Variants in WASF2 observed in about 807,000 individuals in gnomAD.
WASF2 encodes actin-binding protein WASF2.
In WASF2, 14 loss-of-function variants were observed where a neutral mutation model predicts 45.0. The ratio of observed to expected loss-of-function variants is 0.31; its 90% confidence interval spans 0.21 to 0.49. WASF2 has a LOEUF of 0.49. Among genes scored for constraint, WASF2 ranks in the 20% least tolerant of loss-of-function variants. WASF2 has a pLI of 0.99. For missense variants in WASF2, 439 were observed against 636.1 expected, an observed-to-expected ratio of 0.69 and a Z score of 3.33; for synonymous variants, 200 against 236.3, an observed-to-expected ratio of 0.85 and a Z score of 1.41.
chr1:27,433,490 T>A (rs1013946468), intron 1 of WASF2, among the ~76,000 whole-genome samples: 1 of 152,250 alleles, frequency 6.6e-6, no homozygotes, highest in Non-Finnish European at 1.5e-5. Context: ...GTGCACTGGA[T>A]GTTGGGGAAC....
At chr1:27,442,714 G>T (rs977583805) in intron 1 of WASF2, among the ~76,000 whole-genome samples, 5 of 150,804 alleles carry the variant, frequency 3.3e-5, no homozygotes, top group East Asian at 2.0e-4. Context: ...CAAAAAACTA[G>T]CCAAAGGGCC....
intron 1 of WASF2, among the ~76,000 whole-genome samples, chr1:27,477,617 C>CTAGGATATTAGAAATGGGA (rs541024782): frequency 1.1e-4 from 17 of 148,154 alleles, no homozygotes; most frequent in South Asian, 2.2e-4. Flanking sequence ...ATAAATAAAT[C>CTAGGATATTAGAAATGGGA]GGCCGGGCGC....
At chr1:27,488,337 A>G (rs950995678) in intron 1 of WASF2, among the ~76,000 whole-genome samples, 15 of 152,318 alleles carry the variant, frequency 9.8e-5, no homozygotes, top group Non-Finnish European at 2.1e-4. Flanking sequence ...GTCAAAAAAC[A>G]GGTTGCACAA....
chr1:27,409,592 C>T (rs2016731926), intron 8 of WASF2, 100 bp downstream of exon 8: 9 of 1,347,358 alleles, frequency 6.7e-6, no homozygotes, highest in Non-Finnish European at 8.6e-6. Context: ...AAGCCGTTTC[C>T]TGGGAAGGGC....
rs1030680842 is a variant in WASF2 at position 27,473,200 on chromosome 1, G to T, written c.-44+16786C>A. Reference sequence around the variant, plus strand: ...TAGACATATAAATAGCCAATAAATGGCCAAGAGCGGTGGCTCATGCCTCTA... The same window carrying T: ...TAGACATATAAATAGCCAATAAATGTCCAAGAGCGGTGGCTCATGCCTCTA... On this transcript the variant is annotated intron_variant, in intron 1 of 8. Transcript: ENST00000618852. Among the ~76,000 whole-genome samples the T allele has an allele frequency of 2.0e-5, 3 of 151,626 alleles. No homozygotes were observed. In the South Asian group the frequency reaches 6.2e-4, roughly 32 times the overall value.
chr1:27,428,537 G>C (rs746639256), intron 2 of WASF2, among the ~76,000 whole-genome samples: 5 of 152,158 alleles, frequency 3.3e-5, no homozygotes, highest in Non-Finnish European at 5.9e-5. Context: ...CAGGTGGAGG[G>C]GGAGGGAGGA....
At chr1:27,473,442 C>A in intron 1 of WASF2, among the ~76,000 whole-genome samples, 1 of 130,308 alleles carries the variant, frequency 7.7e-6, no homozygotes, top group African/African-American at 2.9e-5. Context: ...AGCAAGACTC[C>A]AGACTCCATG....
chr1:27,408,495 A>G, intron 8 of WASF2, 149 bp from the exon 9 acceptor site: 1 of 1,154,958 alleles, frequency 8.7e-7, no homozygotes, highest in Middle Eastern at 2.0e-4. Context: ...GCAGAAGAAG[A>G]TGAGTTTATG....
intron 4 of WASF2, among the ~76,000 whole-genome samples, chr1:27,416,977 C>T (rs769684887): frequency 3.3e-5 from 5 of 152,040 alleles, no homozygotes; most frequent in Non-Finnish European, 7.4e-5. Context: ...TATTCCCTAC[C>T]CTCCAATCCT....
At chr1:27,487,667 A>G (rs1458057372) in intron 1 of WASF2, among the ~76,000 whole-genome samples, 9 of 104,786 alleles carry the variant, frequency 8.6e-5, no homozygotes, top group African/African-American at 1.2e-4. Flanking sequence ...AATATATATT[A>G]TATATATTTT....
At chr1:27,456,419 G>A (rs2017468900) in intron 1 of WASF2, among the ~76,000 whole-genome samples, 2 of 151,640 alleles carry the variant, frequency 1.3e-5, no homozygotes, top group South Asian at 4.2e-4. Flanking sequence ...GAGATAAGGA[G>A]TAGGAGCTAA....
At chr1:27,458,002 A>G (rs920996079) in intron 1 of WASF2, among the ~76,000 whole-genome samples, 3 of 152,070 alleles carry the variant, frequency 2.0e-5, no homozygotes, top group Non-Finnish European at 4.4e-5. Flanking sequence ...TCTTTTGCAC[A>G]CACTGTGTTG....
At chr1:27,429,916 G>C (rs1315043379) in intron 1 of WASF2, among the ~76,000 whole-genome samples, 2 of 152,142 alleles carry the variant, frequency 1.3e-5, no homozygotes, top group African/African-American at 4.8e-5. Flanking sequence ...AAACTGTGCT[G>C]TAAGATTCCC....
At chr1:27,447,827 TGATAAC>T (rs2017330504) in intron 1 of WASF2, among the ~76,000 whole-genome samples, 1 of 152,216 alleles carries the variant, frequency 6.6e-6, no homozygotes, top group African/African-American at 2.4e-5. Context: ...AGTTTCATCT[TGATAAC>T]ACTGGTATTT....
Position 27,407,003 on chromosome 1 carries a change from C to A in WASF2, c.*1186G>T, listed in dbSNP as rs1476299687. 1.3e-5 allele frequency: 2 copies of A among 152,410 alleles called. No individual in the cohort carries two copies. Among genetic ancestry groups the A allele is most frequent in the African/African-American group, 4.8e-5 (2 of 41,456 alleles). 9.4% of individuals were successfully genotyped at this position (152,410 alleles called of 1,614,324 possible). A position where few individuals can be genotyped will look rare whatever the true frequency, so the allele number is the denominator to read the frequency against. On this transcript the variant is annotated 3_prime_UTR_variant, in exon 9 of 9. Transcript: ENST00000618852. ...CTTCTGGTCCCCCAGAGAGGCTGGT[C>A]CCAAGGCTATGTGGTTGGCTGGTGA...
chr1:27,419,904 A>AT (rs906405932), intron 2 of WASF2, among the ~76,000 whole-genome samples: 36 of 151,174 alleles, frequency 2.4e-4, no homozygotes, highest in Non-Finnish European at 3.8e-4. Context: ...ATAACTTATA[A>AT]TTTTTTTTTC....
chr1:27,484,016 G>A (rs1337573449), intron 1 of WASF2, among the ~76,000 whole-genome samples: 2 of 151,996 alleles, frequency 1.3e-5, no homozygotes, highest in South Asian at 2.1e-4. Context: ...GACTCCACCT[G>A]CAACTCTTGA....
In WASF2 at chr1:27,432,597, A is replaced by G. The variant is rs372752951; in HGVS notation, c.-43-3664T>C. 2.0e-4 allele frequency among the ~76,000 whole-genome samples: 29 copies of G among 143,120 alleles called. No homozygotes were observed. In the East Asian group the frequency reaches 3.1e-3, roughly 15 times the overall value. 93.9% of individuals were successfully genotyped at this position (143,120 alleles called of 152,430 possible). On this transcript the variant is annotated intron_variant, in intron 1 of 8. Transcript: ENST00000618852. ...TGGGAGGCGGAGCTTGCAGTGAGCC[A>G]AGATCGCGCCACTGCACTCCAGCCT...
At chr1:27,454,790 T>G (rs2017445471) in intron 1 of WASF2, among the ~76,000 whole-genome samples, 1 of 152,176 alleles carries the variant, frequency 6.6e-6, no homozygotes, top group Admixed American at 6.5e-5. Flanking sequence ...GATTTACTTT[T>G]TCACTGCTAT....
Sources: gnomAD v4.1 joint callset for allele counts (sites outside exome capture counted in the v4.1 genomes callset) on GRCh38, gnomAD v4.1.1 for gene constraint, MANE v1.5 for transcripts, NCBI Gene and HGNC (gene_info 2026-07-23, HGNC 2026-07-21) for gene names.